Variants in FRYL observed in about 807,000 individuals in gnomAD.
FRYL encodes the protein protein furry homolog-like.
FRYL carries 150 observed loss-of-function variants against 351.2 expected under a neutral mutation model. The ratio of observed to expected loss-of-function variants is 0.43; its 90% CI spans 0.37 to 0.49. The LOEUF (loss-of-function observed/expected upper bound fraction) is 0.49, where lower values mean the gene tolerates loss of function less well. Among genes scored for constraint, FRYL ranks in the 20% least tolerant of loss-of-function variants. The pLI is 0.00. For missense variants in FRYL, 3,036 were observed against 3,619.3 expected (o/e 0.84, Z 4.13); for synonymous variants, 1,153 against 1,257.1 (o/e 0.92, Z 1.75).
chr4:48,767,350 C>T (rs1444327036), intron 1 of FRYL, among the ~76,000 whole-genome samples: 2 of 152,094 alleles, frequency 1.3e-5, no homozygotes. Context: ...GGAAATCTGA[C>T]CGAATGATCC....
chr4:48,646,975 G>C (rs1044544098), intron 3 of FRYL, among the ~76,000 whole-genome samples: 2 of 152,172 alleles, frequency 1.3e-5, no homozygotes, highest in African/African-American at 4.8e-5. Flanking sequence ...CACGGCTAGG[G>C]AGGTGGGTTT....
chr4:48,752,625 G>A (rs1226248861), intron 1 of FRYL, among the ~76,000 whole-genome samples: 1 of 152,066 alleles, frequency 6.6e-6, no homozygotes, highest in African/African-American at 2.4e-5. Context: ...TCTCTCAAAA[G>A]ATTCACCAAG....
chr4:48,629,855 T>G (rs1272917270), intron 4 of FRYL, among the ~76,000 whole-genome samples: 2 of 152,142 alleles, frequency 1.3e-5, no homozygotes, highest in African/African-American at 2.4e-5. Flanking sequence ...GAGGGCTGAT[T>G]GAAAGATTGT....
intron 1 of FRYL, among the ~76,000 whole-genome samples, chr4:48,736,299 T>C (rs1261315906): frequency 1.3e-5 from 2 of 151,920 alleles, no homozygotes; most frequent in Admixed American, 1.3e-4. Context: ...GCTTCTACCT[T>C]AGGAAACTAG....
intron 1 of FRYL, among the ~76,000 whole-genome samples, chr4:48,751,377 G>A (rs908574693): frequency 2.0e-5 from 3 of 152,218 alleles, no homozygotes; most frequent in African/African-American, 7.2e-5. Context: ...GTAGAAGACA[G>A]AGAGCACTGT....
intron 1 of FRYL, among the ~76,000 whole-genome samples, chr4:48,737,566 A>C (rs1352823171): frequency 6.6e-6 from 1 of 152,208 alleles, no homozygotes; most frequent in Admixed American, 6.5e-5. Flanking sequence ...ACATTATACC[A>C]ATTCTCTACA....
At chr4:48,609,633 A>AAAAT in intron 8 of FRYL, 111 bp downstream of exon 8, 1 of 530,252 alleles carries the variant, frequency 1.9e-6, no homozygotes, top group Non-Finnish European at 3.3e-6. Flanking sequence ...AAAAAAAAAA[A>AAAAT]GGAAGATAAG....
chr4:48,766,941 G>T (rs1248627408), intron 1 of FRYL, among the ~76,000 whole-genome samples: 2 of 148,598 alleles, frequency 1.3e-5, no homozygotes, highest in Non-Finnish European at 3.0e-5. Flanking sequence ...TATGAATTTT[G>T]ATGTTAAAAA....
At chr4:48,519,843 C>T (rs552594962) in intron 55 of FRYL, among the ~76,000 whole-genome samples, 43 of 152,224 alleles carry the variant, frequency 2.8e-4, no homozygotes, top group Admixed American at 1.7e-3. Flanking sequence ...AAGTGATTCT[C>T]CTGCCTCAGC....
intron 3 of FRYL, among the ~76,000 whole-genome samples, chr4:48,652,617 G>A (rs1757950691): frequency 6.6e-6 from 1 of 152,142 alleles, no homozygotes; most frequent in African/African-American, 2.4e-5. Flanking sequence ...GATTGTAAAT[G>A]CAGTATATTT....
At chr4:48,727,996 G>A (rs777827215) in intron 1 of FRYL, among the ~76,000 whole-genome samples, 7 of 152,056 alleles carry the variant, frequency 4.6e-5, no homozygotes, top group Non-Finnish European at 1.0e-4. Context: ...TCTAATCAGA[G>A]GACTATAGAA....
intron 1 of FRYL, among the ~76,000 whole-genome samples, chr4:48,726,121 TTC>T (rs1264261587): frequency 6.6e-6 from 1 of 152,182 alleles, no homozygotes; most frequent in East Asian, 1.9e-4. Context: ...AAGATATAAG[TTC>T]TTTTTGTGGG....
intron 57 of FRYL, among the ~76,000 whole-genome samples, chr4:48,511,984 G>C (rs1722582654): frequency 6.6e-6 from 1 of 152,136 alleles, no homozygotes; most frequent in South Asian, 2.1e-4. Flanking sequence ...AAGCCCTTTA[G>C]CACAGTGCCT....
chr4:48,717,592 G>A (rs1181252118), intron 1 of FRYL, among the ~76,000 whole-genome samples: 1 of 151,624 alleles, frequency 6.6e-6, no homozygotes, highest in Non-Finnish European at 1.5e-5. Context: ...CTAGGCTGGA[G>A]TGCAATGACG....
intron 47 of FRYL, among the ~76,000 whole-genome samples, chr4:48,539,449 A>G (rs973743005): frequency 3.3e-5 from 5 of 152,116 alleles, no homozygotes; most frequent in South Asian, 4.1e-4. Context: ...TTCGATAGTG[A>G]TCTAAGTCAG....
intron 1 of FRYL, among the ~76,000 whole-genome samples, chr4:48,712,544 G>A (rs568491056): frequency 1.3e-5 from 2 of 152,296 alleles, no homozygotes; most frequent in Admixed American, 1.3e-4. Context: ...AATGAACAAA[G>A]CCTCCAAGAA....
Position 48,543,986 on chromosome 4 carries a change from G to C in FRYL, c.5413C>G (p.Leu1805Val). 1.2e-6 allele frequency: 2 copies of C among 1,613,492 alleles called. No homozygotes were observed. Among genetic ancestry groups the C allele is most frequent in the Non-Finnish European group, 1.7e-6 (2 of 1,179,588 alleles). ...GCAACTTCACTAAGATGATGTTCCA[G>C]ATGAATTCCTTCTGTGAATGCAAAG... ...FKQSSSEGIH[L>V]EHHLSEVALQ... The change falls in exon 44 of 64, where the codon CTG becomes GTG. Residue 1805 changes from leucine (L) to valine (V), a missense_variant. Physicochemically the swap from Leu to Val is conservative, Grantham distance 32 (BLOSUM62 1). Transcript: ENST00000358350.
intron 59 of FRYL, 68 bp downstream of exon 59, chr4:48,509,991 T>G: frequency 9.7e-7 from 1 of 1,030,072 alleles, no homozygotes; most frequent in Non-Finnish European, 1.5e-6. Context: ...TGGGCTATTC[T>G]GCTGCCAGGA....
At chr4:48,577,992 T>C (rs1374227548) in intron 23 of FRYL, among the ~76,000 whole-genome samples, 1 of 151,462 alleles carries the variant, frequency 6.6e-6, no homozygotes, top group Non-Finnish European at 1.5e-5. Context: ...CATATATATA[T>C]ATTCAAATCC....
Sources: gnomAD v4.1 joint callset for allele counts (sites outside exome capture counted in the v4.1 genomes callset) on GRCh38, gnomAD v4.1.1 for gene constraint, MANE v1.5 for transcripts, NCBI Gene and HGNC (gene_info 2026-07-23, HGNC 2026-07-21) for gene names.